Variants in ZZEF1 observed in about 807,000 individuals in gnomAD.
The protein encoded by ZZEF1 is zinc finger ZZ-type and EF-hand domain containing 1.
ZZEF1 carries 157 observed loss-of-function variants against 342.8 expected under a neutral mutation model. The ratio of observed to expected loss-of-function variants is 0.46; its 90% CI spans 0.40 to 0.52. ZZEF1 has a LOEUF of 0.52. Among genes scored for constraint, ZZEF1 ranks in the 20% least tolerant of loss-of-function variants. The probability of loss-of-function intolerance (pLI) is 0.00; values close to 1 mark genes in which losing one functional copy is unlikely to be tolerated. For synonymous variants in ZZEF1, 1,505 were observed against 1,429.1 expected (o/e 1.05, Z -1.20); for missense variants, 3,480 against 3,725.6 (o/e 0.93, Z 1.72).
chr17:4,054,851 C>A (rs529420441), intron 33 of ZZEF1, among the ~76,000 whole-genome samples: 2 of 152,254 alleles, frequency 1.3e-5, no homozygotes, highest in East Asian at 3.9e-4. Context: ...AACCCCATGG[C>A]ACATTATAAG....
intron 2 of ZZEF1, among the ~76,000 whole-genome samples, chr17:4,122,379 T>C (rs1221597473): frequency 6.6e-6 from 1 of 151,932 alleles, no homozygotes; most frequent in African/African-American, 2.4e-5. Context: ...GCCATGTCTT[T>C]TCTTTTTTTT....
rs1416513521 is a variant in ZZEF1, at chr17:4,136,103, G to A, written c.354+6439C>T. On this transcript the variant is annotated intron_variant, in intron 1 of 54. Coordinates refer to ENST00000381638, the MANE Select transcript of ZZEF1 (RefSeq NM_015113.4). ...TCGCCCAGGTTCAAGCGATTCTCCT[G>A]CCTCAGCCTCCCGAGTAGCTGGAAC... Among the ~76,000 whole-genome samples the A allele has an allele frequency of 5.6e-5, 8 of 143,474 alleles. No individual in the cohort carries two copies. The East Asian group carries it at 1.7e-3, about 30-fold the overall frequency. The allele number at this position is 143,474 out of a possible 152,430, so 94.1% of individuals were successfully genotyped here.
At chr17:4,077,747 C>A in intron 19 of ZZEF1, 136 bp downstream of exon 19, 2 of 948,410 alleles carry the variant, frequency 2.1e-6, no homozygotes, top group Non-Finnish European at 3.1e-6. Flanking sequence ...TTTAATTAGA[C>A]CAAACCAGTC....
At chr17:4,069,726 G>T (rs1169471079) in intron 26 of ZZEF1, among the ~76,000 whole-genome samples, 12 of 152,168 alleles carry the variant, frequency 7.9e-5, no homozygotes, top group Admixed American at 7.9e-4. Context: ...AGCTACTCGG[G>T]GGGCTGAGGA....
At chr17:4,074,719 G>A (rs1396403678) in intron 23 of ZZEF1, among the ~76,000 whole-genome samples, 5 of 152,218 alleles carry the variant, frequency 3.3e-5, no homozygotes, top group African/African-American at 1.2e-4. Context: ...AGCTCAAGCA[G>A]CTCTAACTGT....
rs1272467018 is a variant in ZZEF1, at chr17:4,017,059, G to A, written c.8001+312C>T. The A allele has an allele frequency of 1.2e-5, 4 of 341,108 alleles. No homozygotes were observed. The highest frequency in any genetic ancestry group is 3.6e-5 in the South Asian group (1 of 28,158). 21.1% of individuals were successfully genotyped at this position (341,108 alleles called of 1,614,324 possible). The stretch of plus-strand genomic sequence containing the variant: ...ACTTCCTCATGGACTGCGTGTGTGT[G>A]TGTGAAGGTGGGTGAGGGACAGGAT... On this transcript the variant is annotated intron_variant, in intron 48 of 54. Coordinates refer to ENST00000381638, the MANE Select transcript of ZZEF1 (RefSeq NM_015113.4). The surrounding 1 kb of genome is among the most constrained non-coding windows in gnomAD (Gnocchi z 5.1).
intron 1 of ZZEF1, among the ~76,000 whole-genome samples, chr17:4,137,905 G>T (rs1192458419): frequency 6.6e-6 from 1 of 152,254 alleles, no homozygotes; most frequent in Non-Finnish European, 1.5e-5. Context: ...ACAGTGCCAA[G>T]GTGGGGAATC....
intron 49 of ZZEF1, among the ~76,000 whole-genome samples, chr17:4,015,788 A>G (rs1327157947): frequency 6.6e-6 from 1 of 152,256 alleles, no homozygotes; most frequent in Non-Finnish European, 1.5e-5. Flanking sequence ...AAGGGACTAC[A>G]TGGCCTTAAG....
chr17:4,071,613 G>A (rs1258441875), intron 25 of ZZEF1, among the ~76,000 whole-genome samples: 1 of 152,182 alleles, frequency 6.6e-6, no homozygotes, highest in East Asian at 1.9e-4. Flanking sequence ...TCATGAGGAA[G>A]AATCCACAGG....
Position 4,082,502 on chromosome 17 carries a change from A to C in ZZEF1, c.2649T>G (p.Asn883Lys), listed in dbSNP as rs770594921. The part of the protein sequence containing the change: ...TRRNHLFTMM[N>K]VTEQEHKQSL... ...ACTGCTTGTGCTCCTGCTCGGTGAC[A>C]TTCTTCTAGAAAACCAGAAATTGTA... The change falls in exon 17 of 55, where the codon AAT (asparagine) becomes AAG (lysine). Residue 883 changes from asparagine to lysine, a missense_variant and splice_region_variant. Transcript: ENST00000381638. The C allele has an allele frequency of 1.2e-6, 2 of 1,613,768 alleles. No individual in the cohort carries two copies. Among genetic ancestry groups the C allele is most frequent in the African/African-American group, 1.3e-5 (1 of 74,924 alleles).
chr17:4,127,962 A>T (rs4467121), intron 1 of ZZEF1, among the ~76,000 whole-genome samples: 23,562 of 152,200 alleles, frequency 0.15, 2,011 homozygotes, highest in African/African-American at 0.22. Flanking sequence ...ACAAAGAGCA[A>T]CCAGCTTTTT....
At chr17:4,097,139 T>C (rs533277057) in intron 9 of ZZEF1, among the ~76,000 whole-genome samples, 1 of 151,546 alleles carries the variant, frequency 6.6e-6, no homozygotes, top group Non-Finnish European at 1.5e-5. Context: ...CGGGCGCCTG[T>C]AGTCCCACCT....
rs1179743466 is a variant in ZZEF1 at position 4,027,286 on chromosome 17, CTT to C, written c.6893-2170_6893-2169del. ...GACCTACGCACCCAGCAATATCTCACTTTTTTTTTTTTTTTTTTTTTTTTTTG... is the reference window on the plus strand; with the variant it reads ...GACCTACGCACCCAGCAATATCTCACTTTTTTTTTTTTTTTTTTTTTTTTG... On this transcript the variant is annotated intron_variant, in intron 42 of 54. Transcript: ENST00000381638. 7.0e-3 allele frequency among the ~76,000 whole-genome samples: 474 copies of C among 67,972 alleles called. 4 individuals carry two copies. The highest frequency in any genetic ancestry group is 0.029 in the African/African-American group (425 of 14,910). The allele number at this position is 67,972 out of a possible 152,430, so 44.6% of individuals were successfully genotyped here.
rs1209161260 is a variant in ZZEF1, at chr17:4,069,040, A to G, written c.4075+1644T>C. On this transcript the variant is annotated intron_variant, in intron 26 of 54. Coordinates refer to ENST00000381638, the MANE Select transcript of ZZEF1 (RefSeq NM_015113.4). ...ACCAATAATGGCAGGCATTCTAGAAACAACCTGCACACAGCAAGACATTCC... is the reference window on the plus strand; with the variant it reads ...ACCAATAATGGCAGGCATTCTAGAAGCAACCTGCACACAGCAAGACATTCC... 1.3e-5 allele frequency among the ~76,000 whole-genome samples: 2 copies of G among 152,222 alleles called. 1 individual carries two copies. Among genetic ancestry groups the G allele is most frequent in the Non-Finnish European group, 2.9e-5 (2 of 68,038 alleles).
At chr17:4,018,605 A>G (rs1204624989) in intron 46 of ZZEF1, among the ~76,000 whole-genome samples, 1 of 152,222 alleles carries the variant, frequency 6.6e-6, no homozygotes, top group African/African-American at 2.4e-5. Flanking sequence ...TGGAATGGTT[A>G]CAGCCTGGTG....
At chr17:4,118,761 T>C (rs2058437890) in intron 2 of ZZEF1, among the ~76,000 whole-genome samples, 2 of 152,220 alleles carry the variant, frequency 1.3e-5, no homozygotes, top group East Asian at 3.8e-4. Flanking sequence ...TTAGAAAGAA[T>C]ATCTTCACAG....
chr17:4,020,773 T>C (rs190822174), intron 45 of ZZEF1, among the ~76,000 whole-genome samples: 142 of 152,362 alleles, frequency 9.3e-4, no homozygotes, highest in African/African-American at 3.3e-3. Flanking sequence ...AAGAGTGTAT[T>C]TCTGAGAAAC....
chr17:4,013,817 CT>C (rs1027333593), intron 51 of ZZEF1, among the ~76,000 whole-genome samples: 2 of 152,080 alleles, frequency 1.3e-5, no homozygotes, highest in Non-Finnish European at 2.9e-5. Flanking sequence ...CCAGTTCCTC[CT>C]TTTTTCAAAA....
intron 1 of ZZEF1, 25 bp downstream of exon 1, chr17:4,142,517 C>A (rs1159553758): frequency 1.9e-6 from 3 of 1,586,634 alleles, no homozygotes; most frequent in Non-Finnish European, 2.6e-6. Context: ...CTGCCCCATC[C>A]CCGCAGTCGC....
Sources: gnomAD v4.1 joint callset for allele counts (sites outside exome capture counted in the v4.1 genomes callset) on GRCh38, gnomAD v4.1.1 for gene constraint, Gnocchi (gnomAD v3.1) non-coding constraint, MANE v1.5 for transcripts, NCBI Gene and HGNC (gene_info 2026-07-23, HGNC 2026-07-21) for gene names.